The following ZFP82 variants were observed in gnomAD, a reference collection of about 807,000 sequenced individuals.
ZFP82 encodes the protein zinc finger protein 82 homolog.
Under a neutral mutation model 54.0 loss-of-function variants are expected in ZFP82, and 30 were observed. The ratio of observed to expected loss-of-function variants is 0.56; its 90% CI spans 0.42 to 0.75. The LOEUF (loss-of-function observed/expected upper bound fraction) is 0.75. Among genes scored for constraint, ZFP82 ranks in the 30% least tolerant of loss-of-function variants. The pLI, the probability that ZFP82 is intolerant of heterozygous loss-of-function variation, is 0.00. For synonymous variants in ZFP82, 194 were observed against 209.5 expected (o/e 0.93, Z 0.64); for missense variants, 500 against 636.8 (o/e 0.79, Z 2.31).
rs2032245265 is a variant in ZFP82 at position 36,393,659 on chromosome 19, T to G, written c.681A>C (p.Glu227Asp). The change falls in exon 5 of 5, where the codon GAA becomes GAC. Residue 227 changes from glutamate to aspartate, a missense_variant. Physicochemically the swap from Glu to Asp is conservative, Grantham distance 45. Transcript: ENST00000392161. ...QRLHSGEKLY[E>D]CKECGEAFIC... ...TGAAAGCTTCCCCACATTCCTTACA[T>G]TCATAGAGTTTTTCACCAGAATGAA... is the stretch of plus-strand genomic sequence containing the variant. 1 of 1,614,006 alleles carries G rather than the reference T, an allele frequency of 6.2e-7. No homozygotes were observed. Among genetic ancestry groups the G allele is most frequent in the African/African-American group, 1.3e-5 (1 of 74,890 alleles).
intron 4 of ZFP82, among the ~76,000 whole-genome samples, chr19:36,397,037 T>A (rs1223968226): frequency 6.0e-5 from 9 of 150,324 alleles, no homozygotes; most frequent in African/African-American, 1.9e-4. Flanking sequence ...TATTAACCGA[T>A]ATAAAAGCAG....
At chr19:36,400,722 T>C (rs1167549558) in intron 4 of ZFP82, among the ~76,000 whole-genome samples, 1 of 152,208 alleles carries the variant, frequency 6.6e-6, no homozygotes, top group Non-Finnish European at 1.5e-5. Flanking sequence ...GATAGAATCA[T>C]TCCTATGAGC....
rs148944602 is a variant in ZFP82, at chr19:36,397,244, C to T, written c.230-3134G>A. On this transcript the variant is annotated intron_variant, in intron 4 of 4. Coordinates refer to ENST00000392161, the MANE Select transcript of ZFP82 (RefSeq NM_133466.4). ...AGTAGCTGGGATTACAGGCACACAC[C>T]ACCACGCCCAGCTAATTTTTTGTAT... Among the ~76,000 whole-genome samples, 32 of 152,032 alleles carry T rather than the reference C, an allele frequency of 2.1e-4. 1 individual carries two copies. In the East Asian group the frequency reaches 5.2e-3, roughly 25 times the overall value.
In ZFP82 at chr19:36,393,602, T is replaced by G; in HGVS notation, c.738A>C (p.Lys246Asn). The G allele has an allele frequency of 6.2e-7, 1 of 1,614,152 alleles. No homozygotes were observed. The highest frequency in any genetic ancestry group is 8.5e-7 in the Non-Finnish European group (1 of 1,180,028). The change falls in exon 5 of 5, where the codon AAA (lysine) becomes AAC (asparagine). Residue 246 changes from lysine to asparagine, a missense_variant. Coordinates refer to ENST00000392161, the MANE Select transcript of ZFP82 (RefSeq NM_133466.4). Reference protein sequence around the residue: ...ICGADLRVHQKMHIGEKPYEC... With the variant: ...ICGADLRVHQNMHIGEKPYEC... ...CATAGGGCTTCTCACCAATATGCAT[T>G]TTCTGATGTACTCTAAGATCTGCAC... is the stretch of plus-strand genomic sequence containing the variant.
downstream of ZFP82, among the ~76,000 whole-genome samples, chr19:36,385,957 A>G (rs1002387665): frequency 4.6e-5 from 7 of 152,252 alleles, no homozygotes; most frequent in African/African-American, 1.7e-4. Context: ...GAACAAAAAG[A>G]TATGGAAAAT....
intron 4 of ZFP82, chr19:36,394,402 C>T (rs1454961968): frequency 3.1e-6 from 1 of 324,892 alleles, no homozygotes; most frequent in Non-Finnish European, 5.6e-6. Flanking sequence ...TAGACACCAC[C>T]CAAACCACCT....
At chr19:36,385,739 A>T (rs910633304), downstream of ZFP82, among the ~76,000 whole-genome samples, 1 of 152,240 alleles carries the variant, frequency 6.6e-6, no homozygotes, top group African/African-American at 2.4e-5. Context: ...GGCCATCCTT[A>T]TTAGAAATTA....
chr19:36,405,797 G>A (rs1183117964), intron 3 of ZFP82, 125 bp from the exon 4 acceptor site: 16 of 563,562 alleles, frequency 2.8e-5, no homozygotes, highest in Non-Finnish European at 4.4e-5. Context: ...ATAAGTGAAA[G>A]ATGTTTTAAA....
intron 1 of ZFP82, among the ~76,000 whole-genome samples, chr19:36,414,851 C>T (rs1301498124): frequency 1.4e-4 from 18 of 132,812 alleles, no homozygotes; most frequent in African/African-American, 4.3e-4. Context: ...GAGACAGTTT[C>T]GCTCCTGTTG....
chr19:36,410,545 C>G (rs1026231806), intron 1 of ZFP82, among the ~76,000 whole-genome samples: 3 of 151,758 alleles, frequency 2.0e-5, no homozygotes, highest in African/African-American at 7.3e-5. Context: ...TCTTATTGCC[C>G]AGGTTGGAGT....
intron 4 of ZFP82, among the ~76,000 whole-genome samples, chr19:36,397,306 T>TG (rs2145583576): frequency 6.6e-6 from 1 of 152,152 alleles, no homozygotes; most frequent in East Asian, 1.9e-4. Context: ...TTGGCCAGGC[T>TG]GGTCTCAAAC....
rs61741561 is a variant in ZFP82, at chr19:36,393,077, G to C, written c.1263C>G (p.Pro421=). ...SHQSIHIGVK[P]YDCKECGKAF... ...CCTTCCCGCATTCCTTACAGTCATA[G>C]GGCTTAACACCAATATGAATACTCT... Residue 421 remains proline (P), a synonymous_variant, in exon 5 of 5, where the codon CCC becomes CCG. Coordinates refer to ENST00000392161, the MANE Select transcript of ZFP82 (RefSeq NM_133466.4). 74 of 1,613,918 alleles carry C rather than the reference G, an allele frequency of 4.6e-5. No individual in the cohort carries two copies. The highest frequency in any genetic ancestry group is 6.0e-5 in the Non-Finnish European group (71 of 1,180,008).
chr19:36,410,465 A>C (rs571260998), intron 1 of ZFP82, among the ~76,000 whole-genome samples: 17 of 148,732 alleles, frequency 1.1e-4, no homozygotes, highest in African/African-American at 3.9e-4. Context: ...GTGTGTGTAT[A>C]TATATATATT....
At chr19:36,402,212 T>C (rs1419805038) in intron 4 of ZFP82, among the ~76,000 whole-genome samples, 8 of 152,224 alleles carry the variant, frequency 5.3e-5, no homozygotes, top group Non-Finnish European at 8.8e-5. Context: ...CTCACGCCTG[T>C]AATCCCAGCA....
Position 36,390,594 on chromosome 19 carries a change from G to T in ZFP82, c.*2147C>A, listed in dbSNP as rs2032180497. On this transcript the variant is annotated 3_prime_UTR_variant, in exon 5 of 5. Coordinates refer to ENST00000392161, the MANE Select transcript of ZFP82 (RefSeq NM_133466.4). ...GTTCATCTGGCTGATCTCATTTAGA[G>T]ATGTTAATATAGATTAGTGTCCTGT... 6.6e-6 allele frequency: 1 copy of T among 151,990 alleles called. No homozygotes were observed. The highest frequency in any genetic ancestry group is 2.4e-5 in the African/African-American group (1 of 41,360). The allele number at this position is 151,990 out of a possible 1,614,324, so 9.4% of individuals were successfully genotyped here.
rs771684650 is a variant in ZFP82, at chr19:36,405,661, A to G, written c.148T>C (p.Ser50Pro). The stretch of plus-strand genomic sequence containing the variant: ...AATGAGGAAATCACATCTGGTTTAG[A>G]AATGAAGCATCCTGCTTAGAAGAAA... ...SNLVSLGCFISKPDVISSLEQ... is the reference protein window; with the variant it reads ...SNLVSLGCFIPKPDVISSLEQ... Residue 50 changes from serine (S) to proline (P), a missense_variant, in exon 4 of 5, where the codon TCT becomes CCT. Coordinates refer to ENST00000392161, the MANE Select transcript of ZFP82 (RefSeq NM_133466.4). 29 of 1,603,576 alleles carry G rather than the reference A, an allele frequency of 1.8e-5. No homozygotes were observed. Among genetic ancestry groups the G allele is most frequent in the Non-Finnish European group, 2.4e-5 (28 of 1,172,774 alleles).
Position 36,393,611 on chromosome 19 carries a change from T to A in ZFP82, c.729A>T (p.Val243=), listed in dbSNP as rs2032244104. Reference sequence around the variant, plus strand: ...TCTCACCAATATGCATTTTCTGATGTACTCTAAGATCTGCACCACATATGA... The same window carrying A: ...TCTCACCAATATGCATTTTCTGATGAACTCTAAGATCTGCACCACATATGA... The part of the protein sequence containing the change: ...EAFICGADLR[V]HQKMHIGEKP... Residue 243 remains valine (V), a synonymous_variant, in exon 5 of 5, where the codon GTA becomes GTT. Transcript: ENST00000392161. The A allele has an allele frequency of 1.9e-6, 3 of 1,614,170 alleles. No individual in the cohort carries two copies. Among genetic ancestry groups the A allele is most frequent in the Admixed American group, 1.7e-5 (1 of 60,012 alleles).
At chr19:36,409,090 C>G (rs1398902143) in intron 2 of ZFP82, among the ~76,000 whole-genome samples, 2 of 152,082 alleles carry the variant, frequency 1.3e-5, no homozygotes, top group Non-Finnish European at 2.9e-5. Context: ...CCAGCACATC[C>G]TGTTCAACCA....
rs2032180613 is a variant in ZFP82 at position 36,390,598 on chromosome 19, T to A, written c.*2143A>T. 6.6e-6 allele frequency: 1 copy of A among 152,082 alleles called. No individual in the cohort carries two copies. Among genetic ancestry groups the A allele is most frequent in the African/African-American group, 2.4e-5 (1 of 41,358 alleles). 9.4% of individuals were successfully genotyped at this position (152,082 alleles called of 1,614,324 possible). A position where few individuals can be genotyped will look rare whatever the true frequency, so the allele number is the denominator to read the frequency against. On this transcript the variant is annotated 3_prime_UTR_variant, in exon 5 of 5. Coordinates refer to ENST00000392161, the MANE Select transcript of ZFP82 (RefSeq NM_133466.4). ...ATCTGGCTGATCTCATTTAGAGATG[T>A]TAATATAGATTAGTGTCCTGTCATT...
Sources: gnomAD v4.1 joint callset for allele counts (sites outside exome capture counted in the v4.1 genomes callset) on GRCh38, gnomAD v4.1.1 for gene constraint, MANE v1.5 for transcripts, NCBI Gene and HGNC (gene_info 2026-07-23, HGNC 2026-07-21) for gene names.